The following CLYBL variants were observed in gnomAD, a reference collection of about 807,000 sequenced individuals.
The protein encoded by CLYBL is citramalyl-CoA lyase.
CLYBL carries 31 observed loss-of-function variants against 38.9 expected under a neutral mutation model. The ratio of observed to expected loss-of-function variants is 0.80; its 90% CI spans 0.60 to 1.08. CLYBL has a LOEUF of 1.08. Ranked by LOEUF, CLYBL falls within the 50% of genes least tolerant of loss-of-function variation. CLYBL has a pLI of 0.00. For synonymous variants in CLYBL, 171 were observed against 158.6 expected, an observed-to-expected ratio of 1.08 and a Z score of -0.59; for missense variants, 434 against 411.6, an observed-to-expected ratio of 1.05 and a Z score of -0.47.
intron 1 of CLYBL, among the ~76,000 whole-genome samples, chr13:99,711,439 C>T (rs9582336): frequency 0.026 from 2,796 of 106,618 alleles, 110 homozygotes; most frequent in African/African-American, 0.089. Context: ...GACGGAGTTT[C>T]GCTCTCGTTG....
At chr13:99,861,323 T>C (rs961527610) in intron 3 of CLYBL, among the ~76,000 whole-genome samples, 1 of 152,122 alleles carries the variant, frequency 6.6e-6, no homozygotes, top group African/African-American at 2.4e-5. Context: ...GTGTTCTCAC[T>C]AAGAACAGGG....
intron 1 of CLYBL, among the ~76,000 whole-genome samples, chr13:99,607,314 T>A (rs1318483747): frequency 6.6e-6 from 1 of 150,988 alleles, no homozygotes; most frequent in Non-Finnish European, 1.5e-5. Flanking sequence ...AAAAAAAAAG[T>A]GAGAAGATTG....
intron 2 of CLYBL, among the ~76,000 whole-genome samples, chr13:99,793,720 T>G (rs1037654070): frequency 2.6e-5 from 4 of 152,130 alleles, no homozygotes; most frequent in Admixed American, 6.5e-5. Flanking sequence ...CAAAGTCTCT[T>G]TTCAAAGAGA....
At chr13:99,710,114 T>C (rs987373494) in intron 1 of CLYBL, among the ~76,000 whole-genome samples, 9 of 151,966 alleles carry the variant, frequency 5.9e-5, no homozygotes, top group East Asian at 3.9e-4. Flanking sequence ...TCAGTAGAGA[T>C]GGGGTTTCAC....
chr13:99,673,909 T>C (rs1479565357), intron 1 of CLYBL, among the ~76,000 whole-genome samples: 1 of 152,120 alleles, frequency 6.6e-6, no homozygotes, highest in East Asian at 1.9e-4. Context: ...GCAGAATCAA[T>C]GAGATTTCCT....
In CLYBL at chr13:99,854,559, G is replaced by A. The variant is rs186682724; in HGVS notation, c.250-4302G>A. Reference sequence around the variant, plus strand: ...ACACTCGATTTATTCTCCAGATGGCGAGACTGTGCCGCCCTGCCGCGAGGG... The same window carrying A: ...ACACTCGATTTATTCTCCAGATGGCAAGACTGTGCCGCCCTGCCGCGAGGG... On this transcript the variant is annotated intron_variant, in intron 2 of 8. Coordinates refer to ENST00000339105, the MANE Select transcript of CLYBL (RefSeq NM_206808.5). 1.4e-3 allele frequency among the ~76,000 whole-genome samples: 219 copies of A among 152,116 alleles called. 1 individual carries two copies. The highest frequency in any genetic ancestry group is 5.1e-3 in the African/African-American group (211 of 41,472).
intron 1 of CLYBL, chr13:99,643,148 CCA>C (rs1442962011): frequency 1.3e-5 from 2 of 153,048 alleles, no homozygotes; most frequent in East Asian, 3.9e-4. Flanking sequence ...TAGGTCTGTA[CCA>C]AGACCAAGGG....
intron 1 of CLYBL, among the ~76,000 whole-genome samples, chr13:99,625,924 G>A (rs368811738): frequency 2.8e-4 from 42 of 152,320 alleles, no homozygotes; most frequent in African/African-American, 7.7e-4. Flanking sequence ...CGCATCTCAC[G>A]TGAGATACGG....
rs115628060 is a variant in CLYBL at position 99,657,664 on chromosome 13, G to C, written c.62+50907G>C. Reference sequence around the variant, plus strand: ...AAAAAACTCTTTAAAAGAAGATTAAGGTAAAGTTCTAACTTTATCCTTGAT... The same window carrying C: ...AAAAAACTCTTTAAAAGAAGATTAACGTAAAGTTCTAACTTTATCCTTGAT... On this transcript the variant is annotated intron_variant, in intron 1 of 8. Coordinates refer to ENST00000339105, the MANE Select transcript of CLYBL (RefSeq NM_206808.5). Among the ~76,000 whole-genome samples, 341 of 152,016 alleles carry C rather than the reference G, an allele frequency of 2.2e-3. 2 individuals carry two copies. The highest frequency in any genetic ancestry group is 8.0e-3 in the African/African-American group (330 of 41,450).
chr13:99,654,305 G>C (rs2047297086), intron 1 of CLYBL, among the ~76,000 whole-genome samples: 1 of 152,204 alleles, frequency 6.6e-6, no homozygotes, highest in Admixed American at 6.5e-5. Context: ...GACCTGAGGG[G>C]TAGCTGAGGC....
intron 1 of CLYBL, among the ~76,000 whole-genome samples, chr13:99,608,847 CTTTTT>C (rs57961216): frequency 2.0e-3 from 177 of 87,756 alleles, no homozygotes; most frequent in African/African-American, 7.4e-3. Context: ...AGTGATGAGT[CTTTTT>C]TTTTTTTTTT....
intron 1 of CLYBL, among the ~76,000 whole-genome samples, chr13:99,726,858 T>C (rs1227001072): frequency 6.6e-6 from 1 of 152,178 alleles, no homozygotes; most frequent in African/African-American, 2.4e-5. Context: ...TGCAAGGATG[T>C]ACATCAGAAC....
chr13:99,615,646 T>C (rs976167673), intron 1 of CLYBL, among the ~76,000 whole-genome samples: 4 of 152,228 alleles, frequency 2.6e-5, no homozygotes, highest in African/African-American at 9.6e-5. Flanking sequence ...AAATCCACTG[T>C]AATTCAAACA....
chr13:99,840,750 CAA>C (rs59274056), intron 2 of CLYBL, among the ~76,000 whole-genome samples: 4 of 16,812 alleles, frequency 2.4e-4, no homozygotes, highest in African/African-American at 9.4e-4. Flanking sequence ...ACCCTTGTCT[CAA>C]AAAAAAAAAA....
chr13:99,738,501 A>T lies in CLYBL; in HGVS notation c.63-34323A>T, dbSNP rs117936557. On this transcript the variant is annotated intron_variant, in intron 1 of 8. Transcript: ENST00000339105. The stretch of plus-strand genomic sequence containing the variant: ...GATGATGACTTGGATGGTACCTGCA[A>T]TTAACCAGGTAGGAGGCTGCCAAGT... Among the ~76,000 whole-genome samples, 7 of 152,238 alleles carry T rather than the reference A, an allele frequency of 4.6e-5. No individual in the cohort carries two copies. In the South Asian group the frequency reaches 1.5e-3, roughly 32 times the overall value.
intron 2 of CLYBL, among the ~76,000 whole-genome samples, chr13:99,816,204 G>C (rs1375060380): frequency 6.6e-6 from 1 of 152,226 alleles, no homozygotes; most frequent in African/African-American, 2.4e-5. Flanking sequence ...ACAGTCACCA[G>C]AGACCAATAA....
At chr13:99,739,666 C>G (rs1265914425) in intron 1 of CLYBL, among the ~76,000 whole-genome samples, 2 of 152,216 alleles carry the variant, frequency 1.3e-5, no homozygotes, top group Non-Finnish European at 2.9e-5. Context: ...ATTCTAATTT[C>G]CATGCCCTAG....
At chr13:99,732,362 T>C (rs556184420) in intron 1 of CLYBL, among the ~76,000 whole-genome samples, 19 of 151,900 alleles carry the variant, frequency 1.3e-4, no homozygotes, top group Admixed American at 4.6e-4. Flanking sequence ...CCCGGCTAAG[T>C]TTTGTATATT....
chr13:99,713,388 G>A (rs1472104156), intron 1 of CLYBL, among the ~76,000 whole-genome samples: 2 of 145,586 alleles, frequency 1.4e-5, no homozygotes, highest in African/African-American at 5.1e-5. Context: ...CGCCCAGGCT[G>A]GAGTGCAGTG....
Sources: allele counts gnomAD v4.1 joint callset (sites outside exome capture counted in the v4.1 genomes callset), GRCh38; gene constraint gnomAD v4.1.1; transcripts MANE v1.5; gene names NCBI Gene and HGNC (gene_info 2026-07-23, HGNC 2026-07-21).